The following COL5A2 variants were observed in gnomAD, a reference collection of about 807,000 sequenced individuals.
COL5A2 encodes the protein collagen type V alpha 2 chain, also known as collagen alpha-2(V) chain.
In COL5A2, 23 loss-of-function variants were observed where a neutral mutation model predicts 208.2. The ratio of observed to expected loss-of-function variants is 0.11; its 90% CI spans 0.08 to 0.16. The LOEUF (loss-of-function observed/expected upper bound fraction) is 0.16, where lower values mean the gene tolerates loss of function less well. Ranked by LOEUF, COL5A2 falls within the 10% of genes least tolerant of loss-of-function variation. The probability of loss-of-function intolerance (pLI) is 1.00; values close to 1 mark genes in which losing one functional copy is unlikely to be tolerated. For missense variants in COL5A2, 1,590 were observed against 1,956.4 expected (o/e 0.81, Z 3.53); for synonymous variants, 625 against 628.5 (o/e 0.99, Z 0.08).
chr2:189,367,262 G>A, the COL5A2 span, among the ~76,000 whole-genome samples: 2 of 152,128 alleles, frequency 1.3e-5, no homozygotes, highest in South Asian at 2.1e-4. Context: ...TTCTCAGGTT[G>A]AGTATTGATA....
chr2:189,146,347 A>G (rs1411682337), intron 1 of COL5A2, among the ~76,000 whole-genome samples: 1 of 152,112 alleles, frequency 6.6e-6, no homozygotes, highest in East Asian at 1.9e-4. Flanking sequence ...AACAAGAAAG[A>G]AAGTGAAAAC....
At chr2:189,251,657 T>TAAAAA in the COL5A2 span, among the ~76,000 whole-genome samples, 2 of 144,626 alleles carry the variant, frequency 1.4e-5, no homozygotes, top group Non-Finnish European at 3.0e-5. Context: ...CAAAAGACAG[T>TAAAAA]AAAAAAAAAA....
intron 1 of COL5A2, among the ~76,000 whole-genome samples, chr2:189,162,047 C>A (rs1320725261): frequency 1.3e-5 from 2 of 152,144 alleles, no homozygotes; most frequent in African/African-American, 4.8e-5. Context: ...CTCAGGTGTG[C>A]CCTCCAGGGG....
the COL5A2 span, among the ~76,000 whole-genome samples, chr2:189,285,578 A>T: frequency 1.3e-5 from 2 of 152,280 alleles, no homozygotes; most frequent in South Asian, 4.1e-4. Context: ...GATTTCCAGA[A>T]GGTCACATAC....
chr2:189,267,978 T>G, the COL5A2 span, among the ~76,000 whole-genome samples: 1 of 152,138 alleles, frequency 6.6e-6, no homozygotes, highest in Non-Finnish European at 1.5e-5. Context: ...TTATCTTTAT[T>G]GACTATTTAA....
the COL5A2 span, among the ~76,000 whole-genome samples, chr2:189,416,504 G>T: frequency 2.0e-5 from 3 of 152,224 alleles, no homozygotes; most frequent in Middle Eastern, 6.8e-3. Flanking sequence ...AGGTGGGAAT[G>T]GAACAATGAG....
chr2:189,166,157 C>A (rs1034681246), intron 1 of COL5A2, among the ~76,000 whole-genome samples: 2 of 152,204 alleles, frequency 1.3e-5, no homozygotes, highest in South Asian at 4.2e-4. Context: ...GCTATGTGAG[C>A]CACCTGTCCA....
rs1336779015 is a variant in COL5A2 at position 189,035,105 on chromosome 2, A to T, written c.4164T>A (p.Thr1388=). Residue 1388 remains threonine (T), a synonymous_variant, in exon 53 of 54, where the codon ACT becomes ACA. Coordinates refer to ENST00000374866, the MANE Select transcript of COL5A2 (RefSeq NM_000393.5). ...QSPNTAITQM[T]FLRLLSKEAS... is the part of the protein sequence containing the mutation. ...CTTCTTTTGATAAAAGGCGCAAAAA[A>T]GTCATCTGAGTAATGGCTGTATTAG... 1.9e-6 allele frequency: 3 copies of T among 1,613,802 alleles called. No homozygotes were observed. Among genetic ancestry groups the T allele is most frequent in the Non-Finnish European group, 2.5e-6 (3 of 1,179,892 alleles).
the COL5A2 span, among the ~76,000 whole-genome samples, chr2:189,284,815 G>A: frequency 6.6e-6 from 1 of 152,036 alleles, no homozygotes. Context: ...TACACGCACA[G>A]GCTGTAGGGT....
intron 1 of COL5A2, among the ~76,000 whole-genome samples, chr2:189,219,549 C>T (rs1689321438): frequency 6.6e-6 from 1 of 152,092 alleles, no homozygotes; most frequent in Non-Finnish European, 1.5e-5. Context: ...TTAAAATCAT[C>T]ACATTCATGA....
intron 37 of COL5A2, among the ~76,000 whole-genome samples, chr2:189,053,681 C>T (rs1685839234): frequency 6.6e-6 from 1 of 151,998 alleles, no homozygotes. Flanking sequence ...AAAGGAGCCT[C>T]CAAATTAGTT....
chr2:189,047,218 G>A (rs530301489), intron 45 of COL5A2, among the ~76,000 whole-genome samples: 8 of 152,154 alleles, frequency 5.3e-5, no homozygotes, highest in Non-Finnish European at 7.4e-5. Context: ...TTAAAAGGGC[G>A]ATGGCAACTT....
the COL5A2 span, among the ~76,000 whole-genome samples, chr2:189,238,420 A>C: frequency 1.3e-5 from 2 of 152,146 alleles, no homozygotes; most frequent in Non-Finnish European, 2.9e-5. Context: ...ATAAACTTCC[A>C]GTAGGAAATA....
At chr2:189,223,410 G>C (rs1056965399) in intron 1 of COL5A2, among the ~76,000 whole-genome samples, 9 of 152,060 alleles carry the variant, frequency 5.9e-5, no homozygotes, top group Admixed American at 5.9e-4. Context: ...GAGTCTCTGT[G>C]AACACTAGAC....
At chr2:189,353,483 T>C in the COL5A2 span, among the ~76,000 whole-genome samples, 25 of 152,342 alleles carry the variant, frequency 1.6e-4, no homozygotes, top group African/African-American at 5.8e-4. Context: ...TGGTTTGTAG[T>C]TCTCCTTGAA....
the COL5A2 span, among the ~76,000 whole-genome samples, chr2:189,286,548 G>C: frequency 2.6e-5 from 4 of 152,002 alleles, no homozygotes; most frequent in Non-Finnish European, 5.9e-5. Context: ...AACGGGAGGT[G>C]GTCAGACTTG....
the COL5A2 span, among the ~76,000 whole-genome samples, chr2:189,295,466 T>C: frequency 3.3e-5 from 5 of 152,028 alleles, no homozygotes; most frequent in African/African-American, 7.3e-5. Context: ...AATACATAAA[T>C]TAGCCAGCTG....
At chr2:189,377,977 T>C in the COL5A2 span, among the ~76,000 whole-genome samples, 2 of 152,208 alleles carry the variant, frequency 1.3e-5, no homozygotes, top group African/African-American at 4.8e-5. Context: ...AATAGCACCC[T>C]ACAGCTGAGA....
chr2:189,099,988 C>A, intron 4 of COL5A2, 119 bp downstream of exon 4: 1 of 853,260 alleles, frequency 1.2e-6, no homozygotes, highest in Admixed American at 2.1e-5. Flanking sequence ...ATACTAAAAA[C>A]TTGTTTTTAA....
Sources: gnomAD v4.1 joint callset for allele counts (sites outside exome capture counted in the v4.1 genomes callset) on GRCh38, gnomAD v4.1.1 for gene constraint, MANE v1.5 for transcripts, NCBI Gene and HGNC (gene_info 2026-07-23, HGNC 2026-07-21) for gene names.